DDHD2: variants seen among roughly 807,000 people sequenced by gnomAD.
The protein encoded by DDHD2 is triacylglycerol hydrolase DDHD2.
A neutral mutation model predicts 91.2 loss-of-function variants in DDHD2; 62 were observed. The observed-to-expected ratio is 0.68, with a 90% CI of 0.55 to 0.84. DDHD2 has a LOEUF of 0.84. Ranked by LOEUF, DDHD2 falls within the 40% of genes least tolerant of loss-of-function variation. DDHD2 has a pLI of 0.00. For missense variants in DDHD2, 740 were observed against 846.9 expected, an observed-to-expected ratio of 0.87 and a Z score of 1.57; for synonymous variants, 271 against 293.9, an observed-to-expected ratio of 0.92 and a Z score of 0.80.
At chr8:38,242,000 G>A in intron 6 of DDHD2, 2 of 358,024 alleles carry the variant, frequency 5.6e-6, no homozygotes, top group Non-Finnish European at 1.0e-5. Flanking sequence ...GCTGCAGTGA[G>A]GTGAGATCTC....
rs902415410 is a variant in DDHD2 at position 38,268,090 on chromosome 8, T to C, written n.88-3032T>C. On this transcript the variant is annotated intron_variant and non_coding_transcript_variant, in intron 1 of 1. Coordinates refer to the DDHD2 transcript ENST00000526071. ...AACCAGGCCTGGGCACAAAAATAATTAGGGTCCTCAGTGATCACTCTTTTG... is the reference window on the plus strand; with the variant it reads ...AACCAGGCCTGGGCACAAAAATAATCAGGGTCCTCAGTGATCACTCTTTTG... 22 of 1,503,654 alleles carry C rather than the reference T, an allele frequency of 1.5e-5. 1 individual carries two copies. The African/African-American group carries it at 3.1e-4, about 21-fold the overall frequency. The allele number at this position is 1,503,654 out of a possible 1,614,324, so 93.1% of individuals were successfully genotyped here.
At chr8:38,257,966 A>T (rs1387268302) in intron 16 of DDHD2, among the ~76,000 whole-genome samples, 1 of 152,164 alleles carries the variant, frequency 6.6e-6, no homozygotes, top group African/African-American at 2.4e-5. Context: ...CAGCCAACAC[A>T]GTATATTGTT....
chr8:38,235,949 T>C (rs1000713255), intron 3 of DDHD2, among the ~76,000 whole-genome samples: 17 of 152,056 alleles, frequency 1.1e-4, no homozygotes, highest in Non-Finnish European at 1.9e-4. Flanking sequence ...ATTGATCTTT[T>C]TTAGCTTTTA....
At chr8:38,269,146 G>A (rs1263248816) in intron 1 of DDHD2, 2 of 1,517,218 alleles carry the variant, frequency 1.3e-6, no homozygotes, top group East Asian at 2.6e-5. Flanking sequence ...CGAACAGCGC[G>A]AGCCGCACGC....
intron 16 of DDHD2, 88 bp from the exon 17 acceptor site, chr8:38,259,952 G>A: frequency 1.2e-6 from 1 of 836,112 alleles, no homozygotes. Context: ...CTTGCAAGAT[G>A]GTTGTATGGA....
chr8:38,234,711 C>A, intron 3 of DDHD2, 127 bp downstream of exon 3: 3 of 649,538 alleles, frequency 4.6e-6, no homozygotes, highest in Non-Finnish European at 5.0e-6. Flanking sequence ...CATTATAAAA[C>A]ATAATAAAGC....
chr8:38,253,165 A>G (rs1806247302), intron 15 of DDHD2, 38 bp downstream of exon 15: 9 of 1,563,876 alleles, frequency 5.8e-6, no homozygotes, highest in Non-Finnish European at 6.9e-6. Context: ...CTGCCAGATA[A>G]GAGGGATGCC....
At chr8:38,232,135 G>C (rs1451882563) in intron 1 of DDHD2, 3 of 152,514 alleles carry the variant, frequency 2.0e-5, no homozygotes, top group Non-Finnish European at 4.4e-5. Flanking sequence ...GGCGCGCCAG[G>C]GTGGCTGAGG....
At chr8:38,270,860 A>G (rs1009818550) in intron 1 of DDHD2, 5 of 152,372 alleles carry the variant, frequency 3.3e-5, no homozygotes, top group African/African-American at 1.2e-4. Context: ...CTCCCGCTTC[A>G]TACATACGTG....
Position 38,261,487 on chromosome 8 carries a change from G to A in DDHD2, c.*914G>A, listed in dbSNP as rs1024291752. On this transcript the variant is annotated 3_prime_UTR_variant, in exon 18 of 18. Coordinates refer to ENST00000397166, the MANE Select transcript of DDHD2 (RefSeq NM_015214.3). ...TATGGTGAAACAGAATTTGTCACCT[G>A]CCATTTCTACTTGAGCTAAGGTAGT... The A allele has an allele frequency of 2.6e-5, 4 of 152,130 alleles. No homozygotes were observed. Among genetic ancestry groups the A allele is most frequent in the Admixed American group, 2.6e-4 (4 of 15,260 alleles). The allele number at this position is 152,130 out of a possible 1,614,324, so 9.4% of individuals were successfully genotyped here. A position where few individuals can be genotyped will look rare whatever the true frequency, so the allele number is the denominator to read the frequency against.
downstream of DDHD2, chr8:38,266,935 T>C: frequency 8.6e-6 from 6 of 694,808 alleles, no homozygotes; most frequent in Non-Finnish European, 1.2e-5. Flanking sequence ...GAGCTATAAT[T>C]AGGTAAGAAA....
intron 11 of DDHD2, chr8:38,250,866 A>T (rs1178233043): frequency 2.0e-5 from 3 of 151,904 alleles, no homozygotes; most frequent in African/African-American, 7.3e-5. Flanking sequence ...TCAACCACTA[A>T]TCTACTTTCT....
chr8:38,235,873 G>GCGCA (rs1554511690), intron 3 of DDHD2, among the ~76,000 whole-genome samples: 23 of 147,780 alleles, frequency 1.6e-4, no homozygotes, highest in East Asian at 4.0e-4. Flanking sequence ...AAGTACACGC[G>GCGCA]CACACACACA....
At chr8:38,249,443 C>T (rs1805928679) in intron 10 of DDHD2, among the ~76,000 whole-genome samples, 1 of 151,098 alleles carries the variant, frequency 6.6e-6, no homozygotes, top group African/African-American at 2.4e-5. Context: ...TCCTTAGATA[C>T]CCAACTTCTC....
chr8:38,236,158 G>A (rs563931869), intron 3 of DDHD2, among the ~76,000 whole-genome samples: 5 of 150,632 alleles, frequency 3.3e-5, no homozygotes, highest in East Asian at 2.0e-4. Flanking sequence ...GACTACAGGC[G>A]CCCGCCACCA....
chr8:38,266,327 CTT>C (rs374383869), downstream of DDHD2: 839 of 1,605,078 alleles, frequency 5.2e-4, 4 homozygotes, highest in African/African-American at 0.01. Flanking sequence ...ACAAGAAAAA[CTT>C]TTAAGTGGTT....
At chr8:38,260,301 C>T in intron 17 of DDHD2, 154 bp downstream of exon 17, 1 of 496,710 alleles carries the variant, frequency 2.0e-6, no homozygotes, top group Non-Finnish European at 3.6e-6. Flanking sequence ...GGTAGAAATT[C>T]ATGGGGAAAA....
downstream of DDHD2, chr8:38,263,173 A>G (rs1807161715): frequency 6.5e-6 from 1 of 155,008 alleles, no homozygotes; most frequent in African/African-American, 2.4e-5. Context: ...AGATACATTG[A>G]AAATATAGGA....
In DDHD2 at chr8:38,262,522, T is replaced by C. The variant is rs1354814778; in HGVS notation, c.*1949T>C. The C allele has an allele frequency of 2.0e-5, 3 of 152,184 alleles. No individual in the cohort carries two copies. Among genetic ancestry groups the C allele is most frequent in the African/African-American group, 4.8e-5 (2 of 41,462 alleles). 9.4% of individuals were successfully genotyped at this position (152,184 alleles called of 1,614,324 possible). A position where few individuals can be genotyped will look rare whatever the true frequency, so the allele number is the denominator to read the frequency against. On this transcript the variant is annotated 3_prime_UTR_variant, in exon 18 of 18. Transcript: ENST00000397166. ...GATTGAAATCCTGTATTTAGTCATA[T>C]ATTATTTGCGCTGCTTCATTTGTAT...
Sources: gnomAD v4.1 joint callset for allele counts (sites outside exome capture counted in the v4.1 genomes callset) on GRCh38, gnomAD v4.1.1 for gene constraint, MANE v1.5 for transcripts, NCBI Gene and HGNC (gene_info 2026-07-23, HGNC 2026-07-21) for gene names.